Variants in GPC5 observed in about 807,000 individuals in gnomAD.
The protein encoded by GPC5 is glypican 5.
GPC5 carries 47 observed loss-of-function variants against 53.9 expected under a neutral mutation model. The ratio of observed to expected loss-of-function variants is 0.87; its 90% CI spans 0.69 to 1.11. The LOEUF is 1.11. Among genes scored for constraint, GPC5 ranks in the 50% most tolerant of loss-of-function variants. The probability of loss-of-function intolerance (pLI) is 0.00; values close to 1 mark genes in which losing one functional copy is unlikely to be tolerated. For synonymous variants in GPC5, 286 were observed against 263.3 expected, an observed-to-expected ratio of 1.09 and a Z score of -0.84; for missense variants, 748 against 713.1, an observed-to-expected ratio of 1.05 and a Z score of -0.56.
In GPC5 at chr13:92,366,121, A is replaced by G. The variant is rs2043605894; in HGVS notation, c.1561+221132A>G. On this transcript the variant is annotated intron_variant, in intron 7 of 7. Coordinates refer to ENST00000377067, the MANE Select transcript of GPC5 (RefSeq NM_004466.6). ...CTGCTATGATGTCACAATGGTCATGACATCACTAGGTGATAGGAATTTTTA... is the reference window on the plus strand; with the variant it reads ...CTGCTATGATGTCACAATGGTCATGGCATCACTAGGTGATAGGAATTTTTA... Among the ~76,000 whole-genome samples the G allele has an allele frequency of 1.3e-5, 2 of 151,702 alleles. 1 individual carries two copies. The highest frequency in any genetic ancestry group is 4.9e-5 in the African/African-American group (2 of 40,974).
At chr13:92,207,334 G>A (rs974175652) in intron 7 of GPC5, among the ~76,000 whole-genome samples, 5 of 152,190 alleles carry the variant, frequency 3.3e-5, no homozygotes, top group African/African-American at 1.2e-4. Context: ...GAGGAATTCT[G>A]ATATAAAGTT....
At chr13:92,471,376 C>T (rs996171207) in intron 7 of GPC5, among the ~76,000 whole-genome samples, 15 of 152,172 alleles carry the variant, frequency 9.9e-5, no homozygotes, top group Admixed American at 3.3e-4. Context: ...GAGCAACAGC[C>T]TGCAGATGGA....
At chr13:91,853,627 T>A (rs8000830) in intron 5 of GPC5, among the ~76,000 whole-genome samples, 2 of 151,786 alleles carry the variant, frequency 1.3e-5, no homozygotes. Flanking sequence ...TTCTTCACAC[T>A]TCTGAATGAT....
chr13:92,719,505 A>T (rs1396979556), intron 7 of GPC5, among the ~76,000 whole-genome samples: 1 of 152,128 alleles, frequency 6.6e-6, no homozygotes, highest in Admixed American at 6.6e-5. Flanking sequence ...CCATTAAAGG[A>T]TCTAAACATA....
chr13:92,768,595 A>G (rs779618427), intron 7 of GPC5, among the ~76,000 whole-genome samples: 25 of 152,124 alleles, frequency 1.6e-4, no homozygotes, highest in Non-Finnish European at 3.7e-4. Context: ...TTTCTTTAAA[A>G]CAAAATAGAA....
intron 7 of GPC5, among the ~76,000 whole-genome samples, chr13:92,688,091 G>A (rs1481627528): frequency 1.2e-5 from 1 of 83,134 alleles, no homozygotes; most frequent in African/African-American, 5.8e-5. Context: ...AAATGAGTTA[G>A]GGAGGATTCC....
intron 6 of GPC5, among the ~76,000 whole-genome samples, chr13:92,039,886 A>G (rs1308407870): frequency 6.6e-6 from 1 of 152,214 alleles, no homozygotes; most frequent in Non-Finnish European, 1.5e-5. Context: ...ATTTTCAAAT[A>G]CAGTCACATT....
intron 6 of GPC5, among the ~76,000 whole-genome samples, chr13:92,000,436 T>C (rs889730947): frequency 6.6e-6 from 1 of 152,098 alleles, no homozygotes; most frequent in Non-Finnish European, 1.5e-5. Flanking sequence ...GAGTATATTA[T>C]ATTATAATTA....
At chr13:91,687,028 TA>T (rs1483265888) in intron 2 of GPC5, among the ~76,000 whole-genome samples, 1 of 151,976 alleles carries the variant, frequency 6.6e-6, no homozygotes. Context: ...CCTCAAATTG[TA>T]ATTGAAATTT....
intron 7 of GPC5, among the ~76,000 whole-genome samples, chr13:92,746,659 T>G (rs1156799826): frequency 6.6e-6 from 1 of 152,122 alleles, no homozygotes; most frequent in Non-Finnish European, 1.5e-5. Context: ...CTTTATGAAG[T>G]GGCCTTAACT....
intron 7 of GPC5, among the ~76,000 whole-genome samples, chr13:92,294,859 C>T (rs1387873320): frequency 7.3e-5 from 8 of 109,690 alleles, no homozygotes; most frequent in East Asian, 5.8e-4. Context: ...GATGGAGTTT[C>T]GCTGTTGTTG....
intron 7 of GPC5, among the ~76,000 whole-genome samples, chr13:92,451,254 C>A (rs1191252351): frequency 6.6e-6 from 1 of 152,076 alleles, no homozygotes; most frequent in African/African-American, 2.4e-5. Context: ...CTTTTGAGTA[C>A]CAAAGTGCCA....
chr13:91,903,386 T>C (rs1490555831), intron 5 of GPC5, among the ~76,000 whole-genome samples: 1 of 152,102 alleles, frequency 6.6e-6, no homozygotes, highest in African/African-American at 2.4e-5. Flanking sequence ...GTAAATATTG[T>C]TGGGTATATG....
At chr13:92,323,725 TAG>T (rs570884260) in intron 7 of GPC5, among the ~76,000 whole-genome samples, 58 of 151,970 alleles carry the variant, frequency 3.8e-4, no homozygotes, top group Non-Finnish European at 7.4e-4. Flanking sequence ...ATATTAAGAA[TAG>T]AGTTTGTAAA....
intron 7 of GPC5, among the ~76,000 whole-genome samples, chr13:92,505,994 G>A (rs1880353561): frequency 1.3e-5 from 2 of 152,122 alleles, no homozygotes; most frequent in Admixed American, 1.3e-4. Flanking sequence ...TGGAAGGAGA[G>A]AATGGGGGAA....
At chr13:92,552,930 AC>A (rs1310761733) in intron 7 of GPC5, among the ~76,000 whole-genome samples, 1 of 151,608 alleles carries the variant, frequency 6.6e-6, no homozygotes, top group Non-Finnish European at 1.5e-5. Flanking sequence ...TTTTCTTCTC[AC>A]TTTATTCACT....
intron 1 of GPC5, among the ~76,000 whole-genome samples, chr13:91,443,177 C>T (rs1184189842): frequency 1.3e-5 from 2 of 152,082 alleles, no homozygotes; most frequent in Non-Finnish European, 2.9e-5. Context: ...CATGTCTCCC[C>T]AATATTTATA....
chr13:92,784,143 G>A (rs1343598297), intron 7 of GPC5, among the ~76,000 whole-genome samples: 2 of 152,128 alleles, frequency 1.3e-5, no homozygotes, highest in African/African-American at 4.8e-5. Context: ...TGACAATTTG[G>A]TTTCAAACAT....
At chr13:92,337,842 A>G (rs1002668269) in intron 7 of GPC5, among the ~76,000 whole-genome samples, 2 of 152,208 alleles carry the variant, frequency 1.3e-5, no homozygotes, top group Non-Finnish European at 2.9e-5. Flanking sequence ...TGTAAAACGC[A>G]AAATTATAAA....
Sources: gnomAD v4.1 joint callset for allele counts (sites outside exome capture counted in the v4.1 genomes callset) on GRCh38, gnomAD v4.1.1 for gene constraint, MANE v1.5 for transcripts, NCBI Gene and HGNC (gene_info 2026-07-23, HGNC 2026-07-21) for gene names.